The following KCNB2 variants were observed in gnomAD, a reference collection of about 807,000 sequenced individuals.
The protein encoded by KCNB2 is delayed rectifier potassium channel protein.
Under a neutral mutation model 61.5 loss-of-function variants are expected in KCNB2, and 15 were observed. That is an observed-to-expected ratio of 0.24 (90% CI 0.16 to 0.38). The LOEUF is 0.38. Ranked by LOEUF, KCNB2 falls within the 10% of genes least tolerant of loss-of-function variation. KCNB2 has a pLI of 1.00. For missense variants in KCNB2, 828 were observed against 1,125.2 expected (o/e 0.74, Z 3.78); for synonymous variants, 457 against 446.0 (o/e 1.02, Z -0.31).
chr8:72,836,598 T>C (rs567841436), intron 2 of KCNB2, among the ~76,000 whole-genome samples: 45 of 152,284 alleles, frequency 3.0e-4, no homozygotes, highest in South Asian at 8.3e-4. Context: ...ACCTTCTTAT[T>C]CTACTTTCAT....
At chr8:72,621,499 C>A (rs535672949) in intron 2 of KCNB2, among the ~76,000 whole-genome samples, 121 of 152,238 alleles carry the variant, frequency 7.9e-4, no homozygotes, top group African/African-American at 2.5e-3. Context: ...CATCACTTGA[C>A]TTGAACATTT....
In KCNB2 at chr8:72,937,361, A is replaced by G; in HGVS notation, c.2006A>G (p.Tyr669Cys). The change falls in exon 3 of 3, where the codon TAT becomes TGT. Residue 669 changes from tyrosine to cysteine, a missense_variant. Physicochemically the swap from Tyr to Cys is radical, Grantham distance 194 (BLOSUM62 -2). Around this residue, in one of 4 missense-constraint regions of KCNB2, gnomAD observed 559 missense variants for 588.4 expected, o/e 0.95. Coordinates refer to ENST00000523207, the MANE Select transcript of KCNB2 (RefSeq NM_004770.3). ...GCTGCCAGGGATGGCACGCTGGAGT[A>G]TGCCCCAGTTGACATAACTGTGAAC... ...GPAARDGTLE[Y>C]APVDITVNLD... 1 of 1,614,094 alleles carries G rather than the reference A, an allele frequency of 6.2e-7. No individual in the cohort carries two copies. Among genetic ancestry groups the G allele is most frequent in the Non-Finnish European group, 8.5e-7 (1 of 1,180,012 alleles).
At chr8:72,889,300 G>A (rs749711276) in intron 2 of KCNB2, among the ~76,000 whole-genome samples, 7 of 152,138 alleles carry the variant, frequency 4.6e-5, no homozygotes, top group Non-Finnish European at 8.8e-5. Context: ...GGGCATTAAA[G>A]GATAAGGTAG....
At chr8:72,702,860 A>G (rs1358587775) in intron 2 of KCNB2, among the ~76,000 whole-genome samples, 1 of 152,180 alleles carries the variant, frequency 6.6e-6, no homozygotes. Flanking sequence ...GGAGAATGCC[A>G]GGTGTCCTAT....
chr8:72,737,031 A>G (rs1035151996), intron 2 of KCNB2, among the ~76,000 whole-genome samples: 12 of 143,494 alleles, frequency 8.4e-5, no homozygotes, highest in Non-Finnish European at 1.4e-4. Context: ...TGTAGTTGCT[A>G]TTTTTTTTTT....
intron 1 of KCNB2, among the ~76,000 whole-genome samples, chr8:72,551,235 A>G (rs758964710): frequency 2.7e-4 from 41 of 151,832 alleles, no homozygotes; most frequent in Non-Finnish European, 5.2e-4. Flanking sequence ...TTGTTTGTTT[A>G]TTTTTTACAA....
At chr8:72,666,736 T>C (rs2919412) in intron 2 of KCNB2, among the ~76,000 whole-genome samples, 18,175 of 150,864 alleles carry the variant, frequency 0.12, 1,584 homozygotes, top group East Asian at 0.51. Flanking sequence ...CACTGCAACC[T>C]CTGCCTCCCG....
chr8:72,855,400 A>G (rs1298919297), intron 2 of KCNB2, among the ~76,000 whole-genome samples: 1 of 152,150 alleles, frequency 6.6e-6, no homozygotes, highest in Non-Finnish European at 1.5e-5. Context: ...GCATACCATA[A>G]TGTTTCAGTC....
At chr8:72,789,420 A>G (rs989831133) in intron 2 of KCNB2, among the ~76,000 whole-genome samples, 8 of 152,166 alleles carry the variant, frequency 5.3e-5, no homozygotes, top group African/African-American at 1.9e-4. Context: ...TGGGAGCACA[A>G]AAGATTATCT....
intron 2 of KCNB2, among the ~76,000 whole-genome samples, chr8:72,707,253 A>G (rs1807242196): frequency 6.6e-6 from 1 of 152,208 alleles, no homozygotes; most frequent in East Asian, 1.9e-4. Context: ...CCTCACAGAC[A>G]AAAAGTGGCT....
At chr8:72,712,257 A>G (rs1807338005) in intron 2 of KCNB2, among the ~76,000 whole-genome samples, 1 of 152,228 alleles carries the variant, frequency 6.6e-6, no homozygotes, top group Non-Finnish European at 1.5e-5. Context: ...GCATATTTTT[A>G]AGGACATGCC....
chr8:72,686,024 C>T (rs1806847353), intron 2 of KCNB2, among the ~76,000 whole-genome samples: 1 of 152,138 alleles, frequency 6.6e-6, no homozygotes, highest in Admixed American at 6.5e-5. Context: ...TGTCAGACAG[C>T]GTGGCACCTG....
chr8:72,721,212 A>G lies in KCNB2; in HGVS notation c.579+152899A>G, dbSNP rs148796059. On this transcript the variant is annotated intron_variant, in intron 2 of 2. Coordinates refer to ENST00000523207, the MANE Select transcript of KCNB2 (RefSeq NM_004770.3). Reference sequence around the variant, plus strand: ...TTGGCTCACACAGCCTCTGGTGTATATACTGCTATTGCTATGACACACGTT... The same window carrying G: ...TTGGCTCACACAGCCTCTGGTGTATGTACTGCTATTGCTATGACACACGTT... Among the ~76,000 whole-genome samples the G allele has an allele frequency of 5.1e-3, 781 of 152,352 alleles. 9 individuals carry two copies. The highest frequency in any genetic ancestry group is 0.037 in the Middle Eastern group (11 of 294).
intron 2 of KCNB2, among the ~76,000 whole-genome samples, chr8:72,856,817 TA>T (rs1810215509): frequency 6.6e-6 from 1 of 152,182 alleles, no homozygotes; most frequent in Non-Finnish European, 1.5e-5. Context: ...TACTGTTGCC[TA>T]GGAACATTTC....
At chr8:72,844,312 TA>T (rs1809947815) in intron 2 of KCNB2, among the ~76,000 whole-genome samples, 1 of 152,248 alleles carries the variant, frequency 6.6e-6, no homozygotes, top group South Asian at 2.1e-4. Flanking sequence ...GATCCGCTGT[TA>T]GTCTGATGGG....
chr8:72,645,485 T>C (rs146725649), intron 2 of KCNB2, among the ~76,000 whole-genome samples: 5 of 152,242 alleles, frequency 3.3e-5, no homozygotes, highest in African/African-American at 1.2e-4. Flanking sequence ...GCTGCTGTCT[T>C]CCTGTACTGC....
intron 2 of KCNB2, among the ~76,000 whole-genome samples, chr8:72,680,019 G>C (rs1806726253): frequency 6.6e-6 from 1 of 152,166 alleles, no homozygotes; most frequent in Non-Finnish European, 1.5e-5. Context: ...CTAACATCCT[G>C]AAGGTTCACA....
intron 2 of KCNB2, among the ~76,000 whole-genome samples, chr8:72,825,684 T>C (rs1809585457): frequency 1.3e-5 from 2 of 152,238 alleles, no homozygotes; most frequent in Admixed American, 6.5e-5. Flanking sequence ...ACTGGCCATT[T>C]GTATATCTTC....
chr8:72,627,179 T>C (rs960697753), intron 2 of KCNB2, among the ~76,000 whole-genome samples: 2 of 152,190 alleles, frequency 1.3e-5, no homozygotes, highest in African/African-American at 4.8e-5. Context: ...TAAGAATAAG[T>C]TTATCTCACT....
Sources: allele counts gnomAD v4.1 joint callset (sites outside exome capture counted in the v4.1 genomes callset), GRCh38; gene constraint gnomAD v4.1.1; regional missense constraint gnomAD v4.1.1; transcripts MANE v1.5; gene names NCBI Gene and HGNC (gene_info 2026-07-23, HGNC 2026-07-21).